Variants in SLC1A6 observed in about 807,000 individuals in gnomAD.
SLC1A6 encodes excitatory amino acid transporter 4.
In SLC1A6, 15 loss-of-function variants were observed where a neutral mutation model predicts 42.1. The observed-to-expected ratio is 0.36, with a 90% confidence interval of 0.24 to 0.55. SLC1A6 has a LOEUF of 0.55. SLC1A6 is among the 20% of genes least tolerant of loss of function. The pLI is 0.88. For synonymous variants in SLC1A6, 317 were observed against 319.7 expected (o/e 0.99, Z 0.09); for missense variants, 542 against 772.5 (o/e 0.70, Z 3.54).
chr19:14,997,400 G>T (rs564284700), intron 1 of SLC1A6, among the ~76,000 whole-genome samples: 1 of 152,164 alleles, frequency 6.6e-6, no homozygotes, highest in Admixed American at 6.5e-5. Flanking sequence ...ACCTCCTGAG[G>T]ATGTATCACA....
At chr19:14,952,697 T>C (rs1377646722) in intron 9 of SLC1A6, among the ~76,000 whole-genome samples, 1 of 152,096 alleles carries the variant, frequency 6.6e-6, no homozygotes, top group African/African-American at 2.4e-5. Flanking sequence ...TTTTTCTGCC[T>C]GATAGGTAAA....
Position 14,996,546 on chromosome 19 carries a change from CTTCTTCTTCTTCTTG to C in SLC1A6, c.6+13924_6+13938del, listed in dbSNP as rs61261573. On this transcript the variant is annotated intron_variant, in intron 1 of 8. Transcript: ENST00000430939. The stretch of plus-strand genomic sequence containing the variant: ...CCTCCTCTTTCTTCTTCTTCTTCTT[CTTCTTCTTCTTCTTG>C]TTCTTCTTCCTCTTCTTCTTCTTCC... 1.7e-3 allele frequency among the ~76,000 whole-genome samples: 242 copies of C among 144,980 alleles called. 2 individuals carry two copies. Among genetic ancestry groups the C allele is most frequent in the African/African-American group, 5.7e-3 (218 of 38,238 alleles).
chr19:14,953,108 C>T (rs112961563), intron 8 of SLC1A6, 46 bp from the exon 9 acceptor site: 26,440 of 1,463,202 alleles, frequency 0.018, 833 homozygotes, highest in Admixed American at 0.1. Context: ...GGGAAGAAGG[C>T]GATGAGGAAG....
intron 5 of SLC1A6, among the ~76,000 whole-genome samples, chr19:14,963,761 T>G (rs749447132): frequency 4.1e-4 from 63 of 151,884 alleles, no homozygotes; most frequent in Non-Finnish European, 8.2e-4. Context: ...GGTCAAAATT[T>G]CTGGAATCTC....
intron 1 of SLC1A6, among the ~76,000 whole-genome samples, chr19:15,004,031 C>A (rs1468238489): frequency 6.6e-6 from 1 of 152,074 alleles, no homozygotes; most frequent in South Asian, 2.1e-4. Context: ...TGGTGGGCCC[C>A]TGTAGTCCCA....
chr19:15,005,524 A>C (rs2045892228), intron 1 of SLC1A6, among the ~76,000 whole-genome samples: 1 of 152,150 alleles, frequency 6.6e-6, no homozygotes, highest in Non-Finnish European at 1.5e-5. Flanking sequence ...AAACAAAAAA[A>C]CAAAAAAACC....
intron 1 of SLC1A6, chr19:14,974,619 TC>T (rs2045683192): frequency 6.6e-6 from 1 of 152,012 alleles, no homozygotes. Context: ...ACATTAAAAT[TC>T]TATTTCACAA....
chr19:14,996,683 G>T (rs1015345906), intron 1 of SLC1A6, among the ~76,000 whole-genome samples: 2 of 151,974 alleles, frequency 1.3e-5, no homozygotes, highest in Non-Finnish European at 2.9e-5. Context: ...CTCCAGGAGA[G>T]AAGAGAAACT....
At chr19:14,992,589 T>C (rs557111589) in intron 1 of SLC1A6, among the ~76,000 whole-genome samples, 97 of 149,700 alleles carry the variant, frequency 6.5e-4, no homozygotes, top group African/African-American at 2.1e-3. Context: ...ACTCAGGAGG[T>C]GGAGTTTGCA....
rs35859231 is a variant in SLC1A6, at chr19:15,004,701, G to GAA, written c.6+5782_6+5783dup. 9.2e-4 allele frequency among the ~76,000 whole-genome samples: 133 copies of GAA among 144,336 alleles called. 1 individual carries two copies. In the East Asian group the frequency reaches 0.016, roughly 17 times the overall value. The allele number at this position is 144,336 out of a possible 152,430, so 94.7% of individuals were successfully genotyped here. A position where few individuals can be genotyped will look rare whatever the true frequency, so the allele number is the denominator to read the frequency against. On this transcript the variant is annotated intron_variant, in intron 1 of 8. Transcript: ENST00000430939. The stretch of plus-strand genomic sequence containing the variant: ...GTGACAGAGTGAGACTCTGTCTCCA[G>GAA]AAAAAAAAAAAAGATTCTTATTCAT...
At chr19:14,972,602 G>C (rs986225022) in intron 2 of SLC1A6, 104 bp downstream of exon 2, 2 of 902,416 alleles carry the variant, frequency 2.2e-6, no homozygotes, top group Non-Finnish European at 3.5e-6. Flanking sequence ...CGTGTGTGCA[G>C]GTGAGAATGA....
At chr19:14,951,010 G>C (rs149795760) in intron 9 of SLC1A6, among the ~76,000 whole-genome samples, 1 of 146,006 alleles carries the variant, frequency 6.8e-6, no homozygotes, top group Non-Finnish European at 1.5e-5. Flanking sequence ...CAAGGCGGGC[G>C]GATCACAAGG....
At chr19:14,980,641 A>G, upstream of SLC1A6, among the ~76,000 whole-genome samples, 1 of 130,458 alleles carries the variant, frequency 7.7e-6, no homozygotes, top group Admixed American at 8.2e-5. Context: ...TGGGTGACAG[A>G]GCGAGACTCC....
intron 7 of SLC1A6, among the ~76,000 whole-genome samples, chr19:14,955,866 C>A (rs781669379): frequency 4.6e-4 from 70 of 150,588 alleles, no homozygotes; most frequent in South Asian, 1.0e-3. Flanking sequence ...ACCTAAGAGG[C>A]GGAGCTTGCA....
intron 3 of SLC1A6, 25 bp from the exon 4 acceptor site, chr19:14,968,532 C>G: frequency 6.3e-7 from 1 of 1,582,548 alleles, no homozygotes; most frequent in Non-Finnish European, 8.6e-7. Context: ...ATGTGGCCCC[C>G]GCAGCTCCAT....
chr19:14,952,904 G>A (rs1233780598), intron 9 of SLC1A6, 24 bp downstream of exon 9: 2 of 1,609,386 alleles, frequency 1.2e-6, no homozygotes, highest in South Asian at 2.2e-5. Context: ...AGGAGCACCA[G>A]GGTCCAGCCT....
At chr19:14,971,710 G>T in intron 3 of SLC1A6, 27 bp downstream of exon 3, 2 of 1,612,404 alleles carry the variant, frequency 1.2e-6, no homozygotes, top group Non-Finnish European at 1.7e-6. Flanking sequence ...GGGTCTTGGA[G>T]GCCAACACTG....
At chr19:15,009,774 A>T (rs964714894) in intron 1 of SLC1A6, among the ~76,000 whole-genome samples, 2 of 152,220 alleles carry the variant, frequency 1.3e-5, no homozygotes, top group African/African-American at 4.8e-5. Flanking sequence ...TTTTTTTTAA[A>T]GGCTCTTAAT....
Position 14,954,154 on chromosome 19 carries a change from C to T in SLC1A6, c.1345G>A (p.Gly449Ser), listed in dbSNP as rs1324227396. Residue 449 changes from glycine (G) to serine (S), a missense_variant, in exon 8 of 10, where the codon GGT becomes AGT. Physicochemically the swap from Gly to Ser is moderately conservative, Grantham distance 56. Transcript: ENST00000594383. ...CCTCACCTGATGGTTGTGATCTGAC[C>T]CAGGTTGAGCTCGTAGTTGTTAACT... Reference protein sequence around the residue: ...AQVNNYELNLGQITTISITAT... With the variant: ...AQVNNYELNLSQITTISITAT... 5 of 1,608,012 alleles carry T rather than the reference C, an allele frequency of 3.1e-6. No individual in the cohort carries two copies. The highest frequency in any genetic ancestry group is 4.2e-6 in the Non-Finnish European group (5 of 1,176,794).
Sources: gnomAD v4.1 joint callset for allele counts (sites outside exome capture counted in the v4.1 genomes callset) on GRCh38, gnomAD v4.1.1 for gene constraint, MANE v1.5 for transcripts, NCBI Gene and HGNC (gene_info 2026-07-23, HGNC 2026-07-21) for gene names.